Variants in PDE4D observed in about 807,000 individuals in gnomAD.
The protein encoded by PDE4D is 3',5'-cyclic-AMP phosphodiesterase 4D.
PDE4D carries 24 observed loss-of-function variants against 87.4 expected under a neutral mutation model. The observed-to-expected ratio is 0.27, with a 90% confidence interval of 0.20 to 0.39. The LOEUF (loss-of-function observed/expected upper bound fraction) is 0.39, where lower values mean the gene tolerates loss of function less well. Among genes scored for constraint, PDE4D ranks in the 10% least tolerant of loss-of-function variants. The pLI is 1.00. For synonymous variants in PDE4D, 384 were observed against 383.2 expected, an observed-to-expected ratio of 1.00 and a Z score of -0.02; for missense variants, 714 against 1,041.0, an observed-to-expected ratio of 0.69 and a Z score of 4.32.
At chr5:59,436,411 G>A (rs1796807708) in intron 1 of PDE4D, among the ~76,000 whole-genome samples, 1 of 152,158 alleles carries the variant, frequency 6.6e-6, no homozygotes. Context: ...ATCTAAATGA[G>A]TTGAAAGCTT....
chr5:59,667,729 A>T (rs769815111), intron 1 of PDE4D, among the ~76,000 whole-genome samples: 2 of 152,126 alleles, frequency 1.3e-5, no homozygotes, highest in South Asian at 4.1e-4. Context: ...GAGTCTTTCC[A>T]TATCTATAGT....
At position 58,971,879 on chromosome 5, in the gene PDE4D, G is replaced by A. The variant is rs868820695; in HGVS notation, c.*2785C>T. ...TTCTGAAGCACACTTTGGCAAGAGA[G>A]AAGGGCAAGGATAAGCAGATTGTAC... On this transcript the variant is annotated 3_prime_UTR_variant, in exon 15 of 15. Transcript: ENST00000340635. 1 of 152,538 alleles carries A rather than the reference G, an allele frequency of 6.6e-6. No homozygotes were observed. Among genetic ancestry groups the A allele is most frequent in the South Asian group, 2.1e-4 (1 of 4,832 alleles). 9.4% of individuals were successfully genotyped at this position (152,538 alleles called of 1,614,324 possible). A position where few individuals can be genotyped will look rare whatever the true frequency, so the allele number is the denominator to read the frequency against.
intron 5 of PDE4D, among the ~76,000 whole-genome samples, chr5:59,147,047 T>C (rs962465831): frequency 1.3e-5 from 2 of 152,112 alleles, no homozygotes; most frequent in Admixed American, 6.6e-5. Flanking sequence ...ATGCGAGGCA[T>C]CTAGGTTGTG....
At chr5:59,233,304 A>G (rs1211217671) in intron 1 of PDE4D, among the ~76,000 whole-genome samples, 1 of 152,216 alleles carries the variant, frequency 6.6e-6, no homozygotes, top group Non-Finnish European at 1.5e-5. Flanking sequence ...ATTGTGAATT[A>G]ATTATTTTAA....
At chr5:59,874,797 G>C in intron 1 of PDE4D, among the ~76,000 whole-genome samples, 1 of 152,066 alleles carries the variant, frequency 6.6e-6, no homozygotes, top group East Asian at 1.9e-4. Context: ...ATATAGATGG[G>C]ACTAATGGAG....
chr5:59,221,386 C>T (rs1161404119), intron 1 of PDE4D, among the ~76,000 whole-genome samples: 5 of 152,102 alleles, frequency 3.3e-5, no homozygotes, highest in African/African-American at 7.2e-5. Flanking sequence ...AATCCCAGCA[C>T]TTTAGGAAGC....
At chr5:60,131,242 T>C (rs1473974776) in intron 2 of PDE4D, among the ~76,000 whole-genome samples, 1 of 152,212 alleles carries the variant, frequency 6.6e-6, no homozygotes, top group Non-Finnish European at 1.5e-5. Flanking sequence ...AATACCTGGC[T>C]TCATGCCACG....
chr5:59,793,689 G>A (rs1766088722), intron 1 of PDE4D, among the ~76,000 whole-genome samples: 1 of 152,194 alleles, frequency 6.6e-6, no homozygotes, highest in African/African-American at 2.4e-5. Context: ...GAAAGCTCTA[G>A]TAAAACAATT....
chr5:59,970,909 T>C (rs1426310186), intron 3 of PDE4D, among the ~76,000 whole-genome samples: 1 of 149,094 alleles, frequency 6.7e-6, no homozygotes, highest in African/African-American at 2.5e-5. Flanking sequence ...CATGCACACG[T>C]ATGTTTATTG....
At chr5:60,414,117 C>T (rs1742280419) in intron 1 of PDE4D, among the ~76,000 whole-genome samples, 1 of 152,180 alleles carries the variant, frequency 6.6e-6, no homozygotes, top group Non-Finnish European at 1.5e-5. Flanking sequence ...CTGTCATACA[C>T]AGTAGGGCCG....
At chr5:60,115,334 C>T (rs1360405335) in intron 2 of PDE4D, among the ~76,000 whole-genome samples, 1 of 152,058 alleles carries the variant, frequency 6.6e-6, no homozygotes, top group Non-Finnish European at 1.5e-5. Context: ...ATGTTCCTTC[C>T]TCATCATGAG....
intron 1 of PDE4D, among the ~76,000 whole-genome samples, chr5:59,312,938 C>A (rs1290421902): frequency 6.6e-6 from 1 of 152,068 alleles, no homozygotes; most frequent in Non-Finnish European, 1.5e-5. Flanking sequence ...TCCAAATGGG[C>A]CAAATGGGAG....
chr5:60,134,644 A>G (rs189675133), intron 2 of PDE4D, among the ~76,000 whole-genome samples: 180 of 152,338 alleles, frequency 1.2e-3, no homozygotes, highest in Admixed American at 2.4e-3. Flanking sequence ...GTGTTTGCCT[A>G]TAACCCATTC....
chr5:59,284,888 A>C (rs1236110045), intron 1 of PDE4D, among the ~76,000 whole-genome samples: 1 of 43,920 alleles, frequency 2.3e-5, no homozygotes, highest in Non-Finnish European at 4.4e-5. Context: ...AGCCATAAAA[A>C]ATGATGAGTT....
At chr5:59,541,218 A>G (rs1286026382) in intron 1 of PDE4D, among the ~76,000 whole-genome samples, 1 of 152,218 alleles carries the variant, frequency 6.6e-6, no homozygotes, top group Non-Finnish European at 1.5e-5. Flanking sequence ...GAAGGCGCTC[A>G]GTATGTAGCA....
chr5:59,902,366 T>A (rs1379421944), intron 3 of PDE4D, among the ~76,000 whole-genome samples: 1 of 152,196 alleles, frequency 6.6e-6, no homozygotes, highest in Non-Finnish European at 1.5e-5. Flanking sequence ...AATTCAGTAT[T>A]TCTAATAAGC....
intron 2 of PDE4D, among the ~76,000 whole-genome samples, chr5:60,159,313 T>G (rs912231228): frequency 6.8e-6 from 1 of 148,146 alleles, no homozygotes; most frequent in Non-Finnish European, 1.5e-5. Context: ...TATGGTTAAC[T>G]TTTTTTTTTG....
intron 5 of PDE4D, among the ~76,000 whole-genome samples, chr5:59,154,947 C>T (rs531327866): frequency 2.6e-5 from 4 of 152,240 alleles, no homozygotes; most frequent in East Asian, 1.9e-4. Flanking sequence ...TTATAAGTTT[C>T]GATCTTGGCT....
chr5:60,399,431 C>T (rs986804035), intron 1 of PDE4D, among the ~76,000 whole-genome samples: 3 of 152,228 alleles, frequency 2.0e-5, no homozygotes, highest in African/African-American at 7.2e-5. Context: ...ATCTGAAACC[C>T]TTCCTATATT....
Sources: allele counts gnomAD v4.1 joint callset (sites outside exome capture counted in the v4.1 genomes callset), GRCh38; gene constraint gnomAD v4.1.1; transcripts MANE v1.5; gene names NCBI Gene and HGNC (gene_info 2026-07-23, HGNC 2026-07-21).